The following ITGB1 variants were observed in gnomAD, a reference collection of about 807,000 sequenced individuals.
ITGB1 encodes the protein integrin subunit beta 1.
ITGB1 carries 24 observed loss-of-function variants against 86.5 expected under a neutral mutation model. The ratio of observed to expected loss-of-function variants is 0.28; its 90% CI spans 0.20 to 0.39. ITGB1 has a LOEUF of 0.39. Among genes scored for constraint, ITGB1 ranks in the 10% least tolerant of loss-of-function variants. ITGB1 has a pLI of 1.00. For missense variants in ITGB1, 556 were observed against 946.9 expected, an observed-to-expected ratio of 0.59 and a Z score of 5.42; for synonymous variants, 323 against 316.8, an observed-to-expected ratio of 1.02 and a Z score of -0.21.
Position 32,911,680 on chromosome 10 carries a change from A to T in ITGB1, c.1709-10T>A. The T allele has an allele frequency of 8.1e-6, 13 of 1,612,576 alleles. No homozygotes were observed. The highest frequency in any genetic ancestry group is 1.0e-5 in the Non-Finnish European group (12 of 1,178,542). On this transcript the variant is annotated splice_polypyrimidine_tract_variant and intron_variant, in intron 12 of 15. Transcript: ENST00000302278. ...TTGCAAACACCATTTCCTGCAATTA[A>T]GCATATCATTTCTCAAAATGGTAAA...
intron 11 of ITGB1, among the ~76,000 whole-genome samples, chr10:32,913,959 G>T (rs983739558): frequency 1.7e-4 from 26 of 152,350 alleles, no homozygotes; most frequent in Admixed American, 1.5e-3. Flanking sequence ...CAGACTAGCA[G>T]CAGATCTCTC....
At chr10:32,918,739 T>A (rs1188825128) in intron 11 of ITGB1, among the ~76,000 whole-genome samples, 2 of 152,208 alleles carry the variant, frequency 1.3e-5, no homozygotes, top group Admixed American at 1.3e-4. Context: ...GCTATTACAT[T>A]TACTATTCCA....
chr10:32,918,898 T>C (rs969950317), intron 11 of ITGB1, among the ~76,000 whole-genome samples: 1 of 152,222 alleles, frequency 6.6e-6, no homozygotes, highest in Non-Finnish European at 1.5e-5. Context: ...AAATATATCC[T>C]ACATGTGCAG....
chr10:32,910,885 C>T lies in ITGB1; in HGVS notation c.1932-430G>A, dbSNP rs1029648384. Among the ~76,000 whole-genome samples, 5 of 152,178 alleles carry T rather than the reference C, an allele frequency of 3.3e-5. No homozygotes were observed. In the South Asian group the frequency reaches 1.0e-3, roughly 32 times the overall value. ...TCCCAAGTAGTTGAGATTACAGGCA[C>T]ACACCACCATATCTGGCTAATTTTT... On this transcript the variant is annotated intron_variant, in intron 13 of 15. Coordinates refer to ENST00000302278, the MANE Select transcript of ITGB1 (RefSeq NM_002211.4).
At chr10:32,913,621 G>A (rs2094921206) in intron 11 of ITGB1, among the ~76,000 whole-genome samples, 1 of 152,284 alleles carries the variant, frequency 6.6e-6, no homozygotes, top group East Asian at 1.9e-4. Flanking sequence ...AGAAAAAAAA[G>A]AGTAAAAAGA....
chr10:32,925,756 A>T, intron 6 of ITGB1, 115 bp downstream of exon 6: 2 of 725,326 alleles, frequency 2.8e-6, no homozygotes, highest in Non-Finnish European at 4.8e-6. Flanking sequence ...CTTCTCTAAG[A>T]TAATCAAATC....
intron 14 of ITGB1, among the ~76,000 whole-genome samples, chr10:32,909,879 T>G (rs1399863536): frequency 6.6e-6 from 1 of 152,166 alleles, no homozygotes; most frequent in Non-Finnish European, 1.5e-5. Flanking sequence ...TATTCAAGCT[T>G]AAATCAAGCT....
intron 1 of ITGB1, among the ~76,000 whole-genome samples, chr10:32,942,705 G>A (rs1248612111): frequency 1.8e-5 from 2 of 113,384 alleles, no homozygotes; most frequent in Admixed American, 1.8e-4. Flanking sequence ...TTTGGGGGGA[G>A]ACAGGGTCTT....
At chr10:32,925,304 A>T (rs1260079492) in intron 6 of ITGB1, among the ~76,000 whole-genome samples, 1 of 152,218 alleles carries the variant, frequency 6.6e-6, no homozygotes, top group Non-Finnish European at 1.5e-5. Context: ...TTACAATTAA[A>T]ATTACAAATA....
At chr10:32,949,086 TTTCA>T (rs1253305598) in intron 1 of ITGB1, among the ~76,000 whole-genome samples, 1 of 152,146 alleles carries the variant, frequency 6.6e-6, no homozygotes, top group African/African-American at 2.4e-5. Flanking sequence ...CAAAAAGTTA[TTTCA>T]TTTAGAACTT....
At chr10:32,930,233 T>C (rs972364645) in intron 3 of ITGB1, among the ~76,000 whole-genome samples, 189 bp from the exon 4 acceptor site, 1 of 152,160 alleles carries the variant, frequency 6.6e-6, no homozygotes, top group African/African-American at 2.4e-5. Flanking sequence ...AAACAATCAT[T>C]TCCAAGAAAG....
chr10:32,944,617 G>A, intron 1 of ITGB1: 1 of 585,714 alleles, frequency 1.7e-6, no homozygotes, highest in Non-Finnish European at 3.3e-6. Flanking sequence ...CCCTATATGA[G>A]CTGAAAAATC....
intron 15 of ITGB1, 143 bp from the exon 16 acceptor site, chr10:32,901,778 A>G (rs960805895): frequency 1.2e-5 from 7 of 600,252 alleles, no homozygotes; most frequent in Non-Finnish European, 1.5e-5. Context: ...AGTTGTTTTA[A>G]AGGCATTAAT....
At chr10:32,903,927 G>C (rs578080525) in intron 15 of ITGB1, among the ~76,000 whole-genome samples, 93 of 149,786 alleles carry the variant, frequency 6.2e-4, no homozygotes, top group South Asian at 2.5e-3. Context: ...AAATAAATTA[G>C]CATCTAATTA....
chr10:32,902,024 A>G (rs2094883234), intron 15 of ITGB1, among the ~76,000 whole-genome samples: 1 of 152,106 alleles, frequency 6.6e-6, no homozygotes, highest in Admixed American at 6.6e-5. Flanking sequence ...TTATCCCTTT[A>G]TCGTGAACAG....
At position 32,931,199 on chromosome 10, in the gene ITGB1, A is replaced by G. The variant is rs118191102; in HGVS notation, c.154-1155T>C. On this transcript the variant is annotated intron_variant, in intron 3 of 15. Coordinates refer to ENST00000302278, the MANE Select transcript of ITGB1 (RefSeq NM_002211.4). The stretch of plus-strand genomic sequence containing the variant: ...CCTAAACTACTACCTACCAAAGCAC[A>G]AGATCCTAGTGAATTACACATTTCT... 2.7e-3 allele frequency among the ~76,000 whole-genome samples: 417 copies of G among 152,248 alleles called. 1 individual carries two copies. The highest frequency in any genetic ancestry group is 4.7e-3 in the Non-Finnish European group (318 of 67,976).
chr10:32,922,034 C>T (rs959172196), intron 9 of ITGB1, among the ~76,000 whole-genome samples: 2 of 152,174 alleles, frequency 1.3e-5, no homozygotes, highest in Admixed American at 6.5e-5. Flanking sequence ...TTTGGAAATA[C>T]TCCCCACATG....
chr10:32,908,363 C>T lies in ITGB1; in HGVS notation c.2331+5G>A, dbSNP rs764506216. 7.4e-6 allele frequency: 12 copies of T among 1,613,712 alleles called. No homozygotes were observed. The highest frequency in any genetic ancestry group is 8.5e-6 in the Non-Finnish European group (10 of 1,179,774). On this transcript the variant is annotated splice_donor_5th_base_variant and intron_variant, in intron 15 of 15. Transcript: ENST00000302278. ...ACTTTGCTTTTTGGATGTTTTGTAA[C>T]TTACCGTGTCCCATTTGGCATTCAT...
intron 4 of ITGB1, among the ~76,000 whole-genome samples, 159 bp downstream of exon 4, chr10:32,929,663 T>G (rs1412999795): frequency 6.6e-6 from 1 of 152,234 alleles, no homozygotes; most frequent in Admixed American, 6.5e-5. Flanking sequence ...AATTGTTATA[T>G]CTGCAAAAAT....
Sources: gnomAD v4.1 joint callset for allele counts (sites outside exome capture counted in the v4.1 genomes callset) on GRCh38, gnomAD v4.1.1 for gene constraint, MANE v1.5 for transcripts, NCBI Gene and HGNC (gene_info 2026-07-23, HGNC 2026-07-21) for gene names.